HELQ: variants seen among roughly 807,000 people sequenced by gnomAD.
HELQ encodes helicase, POLQ like, also known as helicase POLQ-like.
Under a neutral mutation model 111.6 loss-of-function variants are expected in HELQ, and 77 were observed. The observed-to-expected ratio is 0.69, with a 90% CI of 0.57 to 0.83. The LOEUF is 0.83. Among genes scored for constraint, HELQ ranks in the 40% least tolerant of loss-of-function variants. The pLI is 0.00. For missense variants in HELQ, 1,200 were observed against 1,288.5 expected (o/e 0.93, Z 1.05); for synonymous variants, 438 against 454.7 (o/e 0.96, Z 0.47).
At chr4:83,411,522 T>C (rs1739096435) in intron 17 of HELQ, among the ~76,000 whole-genome samples, 1 of 151,826 alleles carries the variant, frequency 6.6e-6, no homozygotes, top group African/African-American at 2.4e-5. Flanking sequence ...GAGGATTGCT[T>C]GAGCCTGGGA....
chr4:83,417,610 A>G (rs1739434712), intron 16 of HELQ, among the ~76,000 whole-genome samples: 1 of 152,190 alleles, frequency 6.6e-6, no homozygotes, highest in African/African-American at 2.4e-5. Flanking sequence ...CAAGAACTGA[A>G]TAACAGAGAA....
At chr4:83,441,243 ACT>A in intron 7 of HELQ, 60 bp downstream of exon 7, 2 of 887,974 alleles carry the variant, frequency 2.3e-6, no homozygotes, top group Non-Finnish European at 1.8e-6. Flanking sequence ...TCCATTGGAA[ACT>A]CTTGTTGTGC....
intron 17 of HELQ, among the ~76,000 whole-genome samples, chr4:83,412,613 G>A (rs765100309): frequency 9.2e-5 from 14 of 152,156 alleles, no homozygotes; most frequent in Non-Finnish European, 1.8e-4. Flanking sequence ...ATTGCTTGAG[G>A]CCCGGAGTTC....
chr4:83,407,659 C>T, intron 17 of HELQ, 99 bp from the exon 18 acceptor site: 1 of 702,756 alleles, frequency 1.4e-6, no homozygotes, highest in Non-Finnish European at 2.5e-6. Flanking sequence ...CCTTACACAT[C>T]AGAAATCTAG....
chr4:83,434,590 G>A (rs1185100337), intron 9 of HELQ, among the ~76,000 whole-genome samples: 2 of 151,704 alleles, frequency 1.3e-5, no homozygotes, highest in Admixed American at 6.6e-5. Context: ...AGCCTCTCGA[G>A]CAGCTGGGAT....
At chr4:83,444,881 T>G (rs1382977466) in intron 5 of HELQ, among the ~76,000 whole-genome samples, 9 of 152,136 alleles carry the variant, frequency 5.9e-5, no homozygotes, top group Admixed American at 5.9e-4. Context: ...TAATTGGATT[T>G]GCATTTGGGA....
At chr4:83,421,882 T>C in intron 14 of HELQ, 146 bp from the exon 15 acceptor site, 1 of 643,466 alleles carries the variant, frequency 1.6e-6, no homozygotes, top group Non-Finnish European at 2.7e-6. Flanking sequence ...TTCTAACAGA[T>C]GTACTTCAGA....
At chr4:83,434,024 C>A (rs957593494) in intron 9 of HELQ, among the ~76,000 whole-genome samples, 2 of 145,340 alleles carry the variant, frequency 1.4e-5, no homozygotes, top group Non-Finnish European at 1.5e-5. Context: ...GAAAGAACAA[C>A]AAAAGAGAGT....
At position 83,453,377 on chromosome 4, in the gene HELQ, T is replaced by A; in HGVS notation, c.866A>T (p.Gln289Leu). 6.2e-7 allele frequency: 1 copy of A among 1,607,152 alleles called. No homozygotes were observed. The highest frequency in any genetic ancestry group is 8.5e-7 in the Non-Finnish European group (1 of 1,178,408). Residue 289 changes from glutamine (Q) to leucine (L), a missense_variant, in exon 2 of 18, where the codon CAG becomes CTG. Transcript: ENST00000295488. Reference sequence around the variant, plus strand: ...CTCAGATAGGAGAGTGTCTTTGAGCTGTTTACTTCTAGAAAATATTGGTGT... The same window carrying A: ...CTCAGATAGGAGAGTGTCTTTGAGCAGTTTACTTCTAGAAAATATTGGTGT... The part of the protein sequence containing the change: ...AQTPIFSRSK[Q>L]LKDTLLSEEI...
Position 83,453,661 on chromosome 4 carries a change from A to T in HELQ, c.582T>A (p.Asp194Glu). The change falls in exon 2 of 18, where the codon GAT becomes GAA. Residue 194 changes from aspartate (D) to glutamate (E), a missense_variant. By Grantham distance (45) the Asp-to-Glu change is conservative. Transcript: ENST00000295488. ...TIEPGADLLY[D>E]VPSSQAIYFE... The stretch of plus-strand genomic sequence containing the variant: ...AGTATATAGCCTGTGAGGAAGGTAC[A>T]TCATACAAAAGATCAGCTCCAGGTT... 6.2e-7 allele frequency: 1 copy of T among 1,614,192 alleles called. No homozygotes were observed. Among genetic ancestry groups the T allele is most frequent in the Non-Finnish European group, 8.5e-7 (1 of 1,180,010 alleles).
chr4:83,427,878 T>C (rs1244666872), intron 12 of HELQ, among the ~76,000 whole-genome samples, 158 bp from the exon 13 acceptor site: 5 of 152,240 alleles, frequency 3.3e-5, no homozygotes, highest in Non-Finnish European at 7.3e-5. Context: ...ATTTTGATAG[T>C]ACTCATCAAC....
At chr4:83,440,755 G>A (rs1230892119) in intron 7 of HELQ, among the ~76,000 whole-genome samples, 1 of 152,076 alleles carries the variant, frequency 6.6e-6, no homozygotes, top group African/African-American at 2.4e-5. Flanking sequence ...AACATTTACA[G>A]GAGAGTTTTC....
At chr4:83,416,638 T>G (rs1475054718) in intron 17 of HELQ, 93 bp downstream of exon 17, 1 of 1,194,518 alleles carries the variant, frequency 8.4e-7, no homozygotes, top group African/African-American at 1.5e-5. Context: ...TAAACAGTTA[T>G]GCAATGTGAA....
Position 83,437,097 on chromosome 4 carries a change from C to T in HELQ, c.1809G>A (p.Lys603=), listed in dbSNP as rs777088976. The change falls in exon 9 of 18, where the codon AAG becomes AAA. Residue 603 remains lysine, a splice_region_variant and synonymous_variant. Coordinates refer to ENST00000295488, the MANE Select transcript of HELQ (RefSeq NM_133636.5). ...CTTTCTCCTTATGTTTCAGATATTC[C>T]CTATGAAAAAGATCTGTTAGAAATA... The part of the protein sequence containing the change: ...VAEMICKFLS[K]EYLKHKEKEK... 10 of 1,612,002 alleles carry T rather than the reference C, an allele frequency of 6.2e-6. No individual in the cohort carries two copies. The highest frequency in any genetic ancestry group is 3.3e-4 in the Middle Eastern group (2 of 6,042).
At chr4:83,447,859 CA>C (rs112143320) in intron 3 of HELQ, among the ~76,000 whole-genome samples, 1,689 of 76,432 alleles carry the variant, frequency 0.022, 18 homozygotes, top group African/African-American at 0.05. Context: ...AAGACTGTCT[CA>C]AAAAAAAAAA....
In HELQ at chr4:83,429,660, A is replaced by G. The variant is rs199826536; in HGVS notation, c.2382T>C (p.Ser794=). The change falls in exon 12 of 18, where the codon AGT becomes AGC. Residue 794 remains serine, a synonymous_variant. Transcript: ENST00000295488. ...GTGATTCAACAGTTATTTCCCAGAGACTTTTTTCTTTCAATAAAACCTTTT... is the reference window on the plus strand; with the variant it reads ...GTGATTCAACAGTTATTTCCCAGAGGCTTTTTTCTTTCAATAAAACCTTTT... The part of the protein sequence containing the change: ...VQQKVLLKEK[S]LWEITVESLR... 2 of 1,613,280 alleles carry G rather than the reference A, an allele frequency of 1.2e-6. No homozygotes were observed. Among genetic ancestry groups the G allele is most frequent in the Admixed American group, 3.3e-5 (2 of 59,984 alleles).
At chr4:83,425,926 G>C in intron 14 of HELQ, 68 bp downstream of exon 14, 1 of 790,350 alleles carries the variant, frequency 1.3e-6, no homozygotes, top group Non-Finnish European at 2.1e-6. Context: ...ATTTTGTTGA[G>C]TGAACTTAGT....
At chr4:83,448,270 T>C (rs771051548) in intron 3 of HELQ, among the ~76,000 whole-genome samples, 7 of 152,070 alleles carry the variant, frequency 4.6e-5, no homozygotes, top group Non-Finnish European at 8.8e-5. Flanking sequence ...AATCCACCAG[T>C]TTAGAAAAAG....
In HELQ at chr4:83,442,725, A is replaced by AT. The variant is rs1325565293; in HGVS notation, c.1563+791dup. 3.3e-5 allele frequency among the ~76,000 whole-genome samples: 5 copies of AT among 151,552 alleles called. No individual in the cohort carries two copies. The East Asian group carries it at 9.7e-4, about 30-fold the overall frequency. On this transcript the variant is annotated intron_variant, in intron 6 of 17. Coordinates refer to ENST00000295488, the MANE Select transcript of HELQ (RefSeq NM_133636.5). ...CGCGCCTGGCTGCCCTAATTTTTTA[A>AT]TTTTTTGTAGAGACAGGGGTCTCGC...
Sources: gnomAD v4.1 joint callset for allele counts (sites outside exome capture counted in the v4.1 genomes callset) on GRCh38, gnomAD v4.1.1 for gene constraint, MANE v1.5 for transcripts, NCBI Gene and HGNC (gene_info 2026-07-23, HGNC 2026-07-21) for gene names.